Variants in ASTN2 observed in about 807,000 individuals in gnomAD.
The protein encoded by ASTN2 is astrotactin-2.
In ASTN2, 54 loss-of-function variants were observed where a neutral mutation model predicts 139.8. The ratio of observed to expected loss-of-function variants is 0.39; its 90% confidence interval spans 0.31 to 0.48. The LOEUF is 0.48. Ranked by LOEUF, ASTN2 falls within the 20% of genes least tolerant of loss-of-function variation. ASTN2 has a pLI of 0.95. For missense variants in ASTN2, 1,565 were observed against 1,725.1 expected (o/e 0.91, Z 1.64); for synonymous variants, 756 against 719.5 (o/e 1.05, Z -0.81).
chr9:116,801,176 G>A (rs777994501), intron 13 of ASTN2, among the ~76,000 whole-genome samples: 1 of 152,184 alleles, frequency 6.6e-6, no homozygotes, highest in Non-Finnish European at 1.5e-5. Flanking sequence ...AGTAGGAGGA[G>A]AGAAATGACA....
intron 19 of ASTN2, among the ~76,000 whole-genome samples, chr9:116,591,919 T>A (rs1297064847): frequency 6.6e-6 from 1 of 152,206 alleles, no homozygotes; most frequent in African/African-American, 2.4e-5. Flanking sequence ...CAAAAATAAA[T>A]GAAGACATTC....
chr9:116,625,918 T>C (rs1483678634), intron 17 of ASTN2, among the ~76,000 whole-genome samples: 1 of 152,128 alleles, frequency 6.6e-6, no homozygotes, highest in East Asian at 1.9e-4. Context: ...TCCTTGAAAC[T>C]TGCTTATTTG....
chr9:116,815,826 A>AAAAAAAAAC (rs1831311226), intron 12 of ASTN2, among the ~76,000 whole-genome samples: 1 of 147,752 alleles, frequency 6.8e-6, no homozygotes, highest in African/African-American at 2.5e-5. Flanking sequence ...AAAAAAAAAA[A>AAAAAAAAAC]AAGTTGATGA....
intron 2 of ASTN2, among the ~76,000 whole-genome samples, chr9:117,216,237 G>GTAT (rs1832314834): frequency 6.6e-6 from 1 of 152,202 alleles, no homozygotes; most frequent in Admixed American, 6.5e-5. Context: ...CCTGCTGACT[G>GTAT]TATTTGATAT....
chr9:116,744,621 G>A (rs1829185554), intron 13 of ASTN2, among the ~76,000 whole-genome samples: 1 of 152,122 alleles, frequency 6.6e-6, no homozygotes, highest in Admixed American at 6.6e-5. Flanking sequence ...TGCACGTGGT[G>A]GGGAGTAAAA....
intron 5 of ASTN2, among the ~76,000 whole-genome samples, chr9:117,081,250 C>A (rs906655181): frequency 1.3e-5 from 2 of 152,194 alleles, no homozygotes; most frequent in Non-Finnish European, 2.9e-5. Flanking sequence ...ATGACAAATG[C>A]CCCTGGGCTG....
intron 20 of ASTN2, among the ~76,000 whole-genome samples, chr9:116,465,031 C>A (rs1848609597): frequency 2.0e-5 from 3 of 152,158 alleles, no homozygotes; most frequent in South Asian, 2.1e-4. Flanking sequence ...AGATATGGAC[C>A]CGGCTCTGTG....
At chr9:116,586,833 C>CACACACACACACACACACACACACAT (rs1854170886) in intron 19 of ASTN2, among the ~76,000 whole-genome samples, 26 of 118,158 alleles carry the variant, frequency 2.2e-4, no homozygotes, top group African/African-American at 8.1e-4. Flanking sequence ...CACATACATA[C>CACACACACACACACACACACACACAT]ACACACACAC....
intron 10 of ASTN2, among the ~76,000 whole-genome samples, chr9:116,965,291 G>A (rs1460114471): frequency 6.6e-6 from 1 of 152,194 alleles, no homozygotes; most frequent in Admixed American, 6.5e-5. Flanking sequence ...TTGAAGACAT[G>A]GGTTGGAATA....
chr9:116,438,694 TA>T, intron 22 of ASTN2, among the ~76,000 whole-genome samples: 1 of 152,320 alleles, frequency 6.6e-6, no homozygotes, highest in Non-Finnish European at 1.5e-5. Flanking sequence ...CCTGTAATCC[TA>T]GCACTTTGGG....
intron 19 of ASTN2, among the ~76,000 whole-genome samples, chr9:116,565,404 T>C (rs1267904947): frequency 5.9e-5 from 5 of 84,720 alleles, no homozygotes; most frequent in African/African-American, 2.4e-4. Context: ...TATATATATA[T>C]ATATATATAT....
In ASTN2 at chr9:116,749,613, C is replaced by T. The variant is rs1829345212; in HGVS notation, c.2397-16090G>A. Among the ~76,000 whole-genome samples, 3 of 152,274 alleles carry T rather than the reference C, an allele frequency of 2.0e-5. No individual in the cohort carries two copies. The South Asian group carries it at 6.2e-4, about 32-fold the overall frequency. The stretch of plus-strand genomic sequence containing the variant: ...TTGCCATGGTGTGTCTATTTCCCTA[C>T]TTTTGGGGGGCAGGAACTAACTGAT... On this transcript the variant is annotated intron_variant, in intron 13 of 22. Transcript: ENST00000313400.
intron 4 of ASTN2, among the ~76,000 whole-genome samples, chr9:117,127,093 CA>C (rs769824872): frequency 3.2e-4 from 48 of 152,308 alleles, no homozygotes; most frequent in Admixed American, 3.3e-4. Context: ...GCTGGGACCA[CA>C]GATGCTGATC....
chr9:116,732,555 G>T (rs1828815219), intron 14 of ASTN2, among the ~76,000 whole-genome samples: 1 of 152,112 alleles, frequency 6.6e-6, no homozygotes, highest in Non-Finnish European at 1.5e-5. Context: ...ATTCTCCCTG[G>T]GCAGTGGATA....
chr9:116,608,275 A>C (rs1372513592), intron 19 of ASTN2, among the ~76,000 whole-genome samples: 1 of 152,208 alleles, frequency 6.6e-6, no homozygotes, highest in African/African-American at 2.4e-5. Context: ...TCATCAGAGT[A>C]CTGATTGATG....
At chr9:116,995,235 A>G (rs956654544) in intron 7 of ASTN2, among the ~76,000 whole-genome samples, 1 of 152,182 alleles carries the variant, frequency 6.6e-6, no homozygotes, top group Admixed American at 6.5e-5. Flanking sequence ...AAGCCAGAAC[A>G]CTGGCTTTCA....
chr9:116,817,799 T>A (rs1831371747), intron 12 of ASTN2, among the ~76,000 whole-genome samples: 1 of 152,220 alleles, frequency 6.6e-6, no homozygotes, highest in Non-Finnish European at 1.5e-5. Flanking sequence ...CTATGACAGC[T>A]CCTGTGCATG....
chr9:116,438,053 T>A (rs533940681), intron 22 of ASTN2, among the ~76,000 whole-genome samples: 3 of 152,218 alleles, frequency 2.0e-5, no homozygotes, highest in Non-Finnish European at 2.9e-5. Flanking sequence ...TTCCTTATCG[T>A]CCAAAAAATG....
intron 19 of ASTN2, among the ~76,000 whole-genome samples, chr9:116,494,164 T>C (rs970958153): frequency 6.6e-6 from 1 of 151,706 alleles, no homozygotes; most frequent in African/African-American, 2.4e-5. Context: ...CAGTAGGAGG[T>C]AGTAGAAAGA....
Sources: gnomAD v4.1 joint callset for allele counts (sites outside exome capture counted in the v4.1 genomes callset) on GRCh38, gnomAD v4.1.1 for gene constraint, MANE v1.5 for transcripts, NCBI Gene and HGNC (gene_info 2026-07-23, HGNC 2026-07-21) for gene names.